The following PPARGC1A variants were observed in gnomAD, a reference collection of about 807,000 sequenced individuals.
PPARGC1A encodes the protein PPARG coactivator 1 alpha.
In PPARGC1A, 25 loss-of-function variants were observed where a neutral mutation model predicts 88.7. The observed-to-expected ratio is 0.28, with a 90% CI of 0.21 to 0.39. The LOEUF (loss-of-function observed/expected upper bound fraction) is 0.39. PPARGC1A is among the 10% of genes least tolerant of loss of function. PPARGC1A has a pLI of 1.00. For synonymous variants in PPARGC1A, 363 were observed against 355.6 expected (o/e 1.02, Z -0.24); for missense variants, 880 against 968.7 (o/e 0.91, Z 1.22).
chr4:24,198,236 A>T, the PPARGC1A span, among the ~76,000 whole-genome samples: 389 of 152,288 alleles, frequency 2.6e-3, 2 homozygotes, highest in African/African-American at 8.7e-3. Context: ...TAAATAACCA[A>T]AGTATTTGCT....
chr4:23,810,886 A>G (rs1226561156), intron 10 of PPARGC1A, among the ~76,000 whole-genome samples: 2 of 152,204 alleles, frequency 1.3e-5, no homozygotes, highest in Non-Finnish European at 2.9e-5. Flanking sequence ...TATAAATGTG[A>G]GTTATTATAA....
At chr4:24,178,736 C>A in the PPARGC1A span, among the ~76,000 whole-genome samples, 1 of 152,166 alleles carries the variant, frequency 6.6e-6, no homozygotes, top group East Asian at 1.9e-4. Flanking sequence ...GAGTGCTGAG[C>A]TTTGTTGCGA....
At chr4:23,844,177 A>G (rs1400092370) in intron 2 of PPARGC1A, among the ~76,000 whole-genome samples, 1 of 149,994 alleles carries the variant, frequency 6.7e-6, no homozygotes, top group Non-Finnish European at 1.5e-5. Context: ...ATGTGTGTAT[A>G]TATAAAACAT....
intron 2 of PPARGC1A, among the ~76,000 whole-genome samples, chr4:23,866,516 G>A (rs1472189796): frequency 1.3e-5 from 2 of 152,104 alleles, no homozygotes; most frequent in Admixed American, 6.5e-5. Flanking sequence ...AAGATAGGCC[G>A]AACATTTTCC....
chr4:23,971,470 TCA>T, the PPARGC1A span, among the ~76,000 whole-genome samples: 2 of 152,142 alleles, frequency 1.3e-5, no homozygotes, highest in African/African-American at 2.4e-5. Context: ...ACTCACATGA[TCA>T]CAGAGTCCCA....
the PPARGC1A span, among the ~76,000 whole-genome samples, chr4:24,080,692 C>T: frequency 6.6e-6 from 1 of 152,052 alleles, no homozygotes; most frequent in East Asian, 1.9e-4. Flanking sequence ...ATATTATTTC[C>T]TTCCATCTTC....
chr4:24,075,708 C>T, the PPARGC1A span, among the ~76,000 whole-genome samples: 313 of 152,188 alleles, frequency 2.1e-3, no homozygotes, highest in African/African-American at 7.2e-3. Context: ...CCTGTGCATG[C>T]TCTTTCCTTG....
intron 2 of PPARGC1A, among the ~76,000 whole-genome samples, chr4:23,852,638 T>C (rs1425479945): frequency 2.6e-5 from 4 of 152,206 alleles, no homozygotes; most frequent in Non-Finnish European, 4.4e-5. Flanking sequence ...CGTTTTTTTT[T>C]CTTCATAGAA....
the PPARGC1A span, among the ~76,000 whole-genome samples, chr4:24,041,528 T>C: frequency 6.6e-6 from 1 of 152,176 alleles, no homozygotes; most frequent in Admixed American, 6.5e-5. Flanking sequence ...TTTATTAAAC[T>C]CTAACCCCAT....
the PPARGC1A span, among the ~76,000 whole-genome samples, chr4:24,100,891 A>C: frequency 3.3e-5 from 5 of 152,194 alleles, no homozygotes; most frequent in Admixed American, 6.5e-5. Context: ...AAACAGCCAT[A>C]ATTTTTTAAG....
At position 23,862,239 on chromosome 4, in the gene PPARGC1A, C is replaced by A. The variant is rs373050338; in HGVS notation, c.234+22513G>T. Among the ~76,000 whole-genome samples the A allele has an allele frequency of 7.2e-5, 11 of 152,316 alleles. No individual in the cohort carries two copies. In the East Asian group the frequency reaches 1.9e-3, roughly 27 times the overall value. On this transcript the variant is annotated intron_variant, in intron 2 of 12. Coordinates refer to ENST00000264867, the MANE Select transcript of PPARGC1A (RefSeq NM_013261.5). ...AATACAAAATCTACTTGGACAAAGT[C>A]AGGTCAAGTCTCTGCTAGATGTTTA...
the PPARGC1A span, among the ~76,000 whole-genome samples, chr4:24,327,153 C>T: frequency 5.9e-5 from 9 of 152,296 alleles, no homozygotes; most frequent in African/African-American, 1.9e-4. Context: ...CAGACCTGTC[C>T]TCAGAATGCT....
the PPARGC1A span, among the ~76,000 whole-genome samples, chr4:24,329,363 C>T: frequency 6.6e-6 from 1 of 151,994 alleles, no homozygotes; most frequent in Admixed American, 6.5e-5. Context: ...AATCTGCAAT[C>T]CTTCACAAGC....
the PPARGC1A span, among the ~76,000 whole-genome samples, chr4:24,029,468 G>T: frequency 6.6e-6 from 1 of 152,152 alleles, no homozygotes; most frequent in Non-Finnish European, 1.5e-5. Flanking sequence ...AGGAAAATCC[G>T]GATTGGAAAT....
At chr4:24,036,760 G>C in the PPARGC1A span, among the ~76,000 whole-genome samples, 1 of 152,268 alleles carries the variant, frequency 6.6e-6, no homozygotes, top group East Asian at 1.9e-4. Context: ...AGGGGAACAA[G>C]GGAAACTTCT....
chr4:24,111,515 G>A, the PPARGC1A span, among the ~76,000 whole-genome samples: 1 of 152,116 alleles, frequency 6.6e-6, no homozygotes, highest in African/African-American at 2.4e-5. Flanking sequence ...CTAAAGGATG[G>A]CAATTAGCTA....
At chr4:23,873,207 AAATAAAAAATAAAAAAT>A (rs1577602398) in intron 2 of PPARGC1A, among the ~76,000 whole-genome samples, 1 of 140,792 alleles carries the variant, frequency 7.1e-6, no homozygotes, top group Non-Finnish European at 1.6e-5. Flanking sequence ...CAAAAATAAA[AAATAAAAAATAAAAAAT>A]AAAGAAAAAA....
rs137934664 is a variant in PPARGC1A at position 23,859,650 on chromosome 4, G to A, written c.234+25102C>T. Among the ~76,000 whole-genome samples, 518 of 151,706 alleles carry A rather than the reference G, an allele frequency of 3.4e-3. 3 individuals are homozygous for A. Among genetic ancestry groups the A allele is most frequent in the African/African-American group, 0.012 (483 of 41,344 alleles). ...CAAAAAATTAGCCCAGCGTGGTGGC[G>A]GGCGCCTGTAATCCCAGCTACTCGG... On this transcript the variant is annotated intron_variant, in intron 2 of 12. Coordinates refer to ENST00000264867, the MANE Select transcript of PPARGC1A (RefSeq NM_013261.5).
At chr4:24,141,696 T>C in the PPARGC1A span, among the ~76,000 whole-genome samples, 1 of 152,188 alleles carries the variant, frequency 6.6e-6, no homozygotes, top group African/African-American at 2.4e-5. Context: ...TGAAGGAATG[T>C]TGCTTGTTTT....
Sources: gnomAD v4.1 joint callset for allele counts (sites outside exome capture counted in the v4.1 genomes callset) on GRCh38, gnomAD v4.1.1 for gene constraint, MANE v1.5 for transcripts, NCBI Gene and HGNC (gene_info 2026-07-23, HGNC 2026-07-21) for gene names.